Variants in AVP observed in about 807,000 individuals in gnomAD.
AVP encodes vasopressin-neurophysin 2-copeptin.
AVP carries 9 observed loss-of-function variants against 11.1 expected under a neutral mutation model. That is an observed-to-expected ratio of 0.81 (90% CI 0.49 to 1.42). The LOEUF (loss-of-function observed/expected upper bound fraction) is 1.42, where lower values mean the gene tolerates loss of function less well. Ranked by LOEUF, AVP falls within the 40% of genes most tolerant of loss-of-function variation. The pLI is 0.00. For missense variants in AVP, 206 were observed against 238.5 expected (o/e 0.86, Z 0.90); for synonymous variants, 106 against 111.3 (o/e 0.95, Z 0.30).
chr20:3,084,645 G>A lies in AVP; in HGVS notation c.30C>T (p.Phe10=). The stretch of plus-strand genomic sequence containing the variant: ...CGGAGGAGAAGGCCAGTAGGCCGAG[G>A]AAGCAGGCGGGCAGCATGGTGTCAG... MPDTMLPAC[F]LGLLAFSSAC... is the part of the protein sequence containing the mutation. The change falls in exon 1 of 3, where the codon TTC becomes TTT. Residue 10 remains phenylalanine, a synonymous_variant. Transcript: ENST00000380293. The A allele has an allele frequency of 6.2e-7, 1 of 1,613,664 alleles. No homozygotes were observed. The highest frequency in any genetic ancestry group is 8.5e-7 in the Non-Finnish European group (1 of 1,180,024).
Position 3,083,292 on chromosome 20 carries a change from C to T in AVP, c.121-114G>A. The T allele has an allele frequency of 1.7e-6, 2 of 1,174,438 alleles. No homozygotes were observed. The highest frequency in any genetic ancestry group is 2.1e-5 in the South Asian group (1 of 48,772). 72.8% of individuals were successfully genotyped at this position (1,174,438 alleles called of 1,614,324 possible). A position where few individuals can be genotyped will look rare whatever the true frequency, so the allele number is the denominator to read the frequency against. ...CAGGGCTCGGAGTGCGGGCGGGACA[C>T]CGGGGCTGCGGCTGCAGGCACGCTC... On this transcript the variant is annotated intron_variant, in intron 1 of 2. Transcript: ENST00000380293. This position sits in a 1 kb window ranked among gnomAD's most constrained non-coding sequence, Gnocchi z 5.4.
In AVP at chr20:3,083,824, A is replaced by G. The variant is rs141641302; in HGVS notation, c.121-646T>C. Among the ~76,000 whole-genome samples, 1 of 152,334 alleles carries G rather than the reference A, an allele frequency of 6.6e-6. No individual in the cohort carries two copies. The highest frequency in any genetic ancestry group is 2.4e-5 in the African/African-American group (1 of 41,578). ...ACCCTAAAGGAGCCTAGCAGGAGGA[A>G]GAGAGGCTGCGGGGGTTGCCGAGCG... On this transcript the variant is annotated intron_variant, in intron 1 of 2. Transcript: ENST00000380293. The surrounding 1 kb of genome is among the most constrained non-coding windows in gnomAD (Gnocchi z 5.4).
Position 3,082,820 on chromosome 20 carries a change from G to A in AVP, c.323-18C>T. On this transcript the variant is annotated intron_variant, in intron 2 of 2. Transcript: ENST00000380293. The surrounding 1 kb of genome is among the most constrained non-coding windows in gnomAD (Gnocchi z 4.7). Reference sequence around the variant, plus strand: ...GCAGCTCTCTGCCGGGAGGACGTGTGAGCACGGGCGCCCTGGGGCGGGCGC... The same window carrying A: ...GCAGCTCTCTGCCGGGAGGACGTGTAAGCACGGGCGCCCTGGGGCGGGCGC... 1 of 1,228,776 alleles carries A rather than the reference G, an allele frequency of 8.1e-7. No homozygotes were observed. Among genetic ancestry groups the A allele is most frequent in the African/African-American group, 1.6e-5 (1 of 63,386 alleles). The allele number at this position is 1,228,776 out of a possible 1,614,324, so 76.1% of individuals were successfully genotyped here. A position where few individuals can be genotyped will look rare whatever the true frequency, so the allele number is the denominator to read the frequency against.
In AVP at chr20:3,083,483, G is replaced by C. The variant is rs1260975658; in HGVS notation, c.121-305C>G. Among the ~76,000 whole-genome samples the C allele has an allele frequency of 6.6e-6, 1 of 152,104 alleles. No homozygotes were observed. Among genetic ancestry groups the C allele is most frequent in the Non-Finnish European group, 1.5e-5 (1 of 68,006 alleles). On this transcript the variant is annotated intron_variant, in intron 1 of 2. Coordinates refer to ENST00000380293, the MANE Select transcript of AVP (RefSeq NM_000490.5). The surrounding 1 kb of genome is among the most constrained non-coding windows in gnomAD (Gnocchi z 5.4). ...TGGGGAACCCTTCCTCGAGCCTCGG[G>C]GTCATCGCTGGTGGGCGCCACTGTT...
chr20:3,082,904 G>GC lies in AVP; in HGVS notation c.322+72dup. The GC allele has an allele frequency of 9.2e-6, 4 of 435,824 alleles. No individual in the cohort carries two copies. Among genetic ancestry groups the GC allele is most frequent in the Non-Finnish European group, 1.2e-5 (4 of 331,576 alleles). 27.0% of individuals were successfully genotyped at this position (435,824 alleles called of 1,614,324 possible). A position where few individuals can be genotyped will look rare whatever the true frequency, so the allele number is the denominator to read the frequency against. On this transcript the variant is annotated intron_variant, in intron 2 of 2. Transcript: ENST00000380293. This position sits in a 1 kb window ranked among gnomAD's most constrained non-coding sequence, Gnocchi z 4.7. ...CCGGGCCCGACGCAGCCCCCACCCC[G>GC]CCGCAGGCCCGCGTCCCCCCCACCC...
At chr20:3,084,390 A>G (rs996722422) in intron 1 of AVP, among the ~76,000 whole-genome samples, 165 bp downstream of exon 1, 4 of 151,780 alleles carry the variant, frequency 2.6e-5, no homozygotes, top group Non-Finnish European at 5.9e-5. Context: ...CCTCTGGCCC[A>G]CCCCATTGGC....
rs1363312021 is a variant in AVP, at chr20:3,082,755, C to A, written c.370G>T (p.Ala124Ser). 5.5e-6 allele frequency: 7 copies of A among 1,273,008 alleles called. No homozygotes were observed. The highest frequency in any genetic ancestry group is 6.9e-6 in the Non-Finnish European group (7 of 1,011,814). 78.9% of individuals were successfully genotyped at this position (1,273,008 alleles called of 1,614,324 possible). The change falls in exon 3 of 3, where the codon GCC (alanine) becomes TCC (serine). Residue 124 changes from alanine to serine, a missense_variant. By Grantham distance (99) the Ala-to-Ser change is moderately conservative (BLOSUM62 1). Around this residue, in one of 2 missense-constraint regions of AVP, gnomAD observed 106 missense variants for 89.2 expected, o/e 1.19. Coordinates refer to ENST00000380293, the MANE Select transcript of AVP (RefSeq NM_000490.5). This position sits in a 1 kb window ranked among gnomAD's most constrained non-coding sequence, Gnocchi z 4.7. ...GCGTTGCTCCGGTCGCTGGCGCGGG[C>A]GCGGCGGTGAAAGCCCTCGCGGCAC... ...PECREGFHRRARASDRSNATQ... is the reference protein window; with the variant it reads ...PECREGFHRRSRASDRSNATQ...
chr20:3,082,925 C>G lies in AVP; in HGVS notation c.322+52G>C, dbSNP rs769735284. ...CCCCGCCGCAGGCCCGCGTCCCCCC[C>G]ACCCAAGCGGTCTGCGCCCCCCCCA... On this transcript the variant is annotated intron_variant, in intron 2 of 2. Coordinates refer to ENST00000380293, the MANE Select transcript of AVP (RefSeq NM_000490.5). This position sits in a 1 kb window ranked among gnomAD's most constrained non-coding sequence, Gnocchi z 4.7. 2.0e-5 allele frequency: 22 copies of G among 1,093,752 alleles called. No homozygotes were observed. The highest frequency in any genetic ancestry group is 3.4e-4 in the Middle Eastern group (1 of 2,954). The allele number at this position is 1,093,752 out of a possible 1,614,324, so 67.8% of individuals were successfully genotyped here. A position where few individuals can be genotyped will look rare whatever the true frequency, so the allele number is the denominator to read the frequency against.
At position 3,082,926 on chromosome 20, in the gene AVP, A is replaced by T; in HGVS notation, c.322+51T>A. 1.5e-6 allele frequency: 1 copy of T among 683,106 alleles called. No homozygotes were observed. The highest frequency in any genetic ancestry group is 1.8e-6 in the Non-Finnish European group (1 of 558,292). The allele number at this position is 683,106 out of a possible 1,614,324, so 42.3% of individuals were successfully genotyped here. ...CCCGCCGCAGGCCCGCGTCCCCCCC[A>T]CCCAAGCGGTCTGCGCCCCCCCCAG... On this transcript the variant is annotated intron_variant, in intron 2 of 2. Transcript: ENST00000380293. The surrounding 1 kb of genome is among the most constrained non-coding windows in gnomAD (Gnocchi z 4.7).
At chr20:3,084,428 C>T (rs2066127162) in intron 1 of AVP, 127 bp downstream of exon 1, 3 of 1,532,636 alleles carry the variant, frequency 2.0e-6, no homozygotes, top group African/African-American at 1.4e-5. Flanking sequence ...CCATGCCTCC[C>T]TCTTCCTCCC....
At position 3,082,924 on chromosome 20, in the gene AVP, C is replaced by A; in HGVS notation, c.322+53G>T. 1.8e-6 allele frequency: 2 copies of A among 1,083,888 alleles called. No homozygotes were observed. Among genetic ancestry groups the A allele is most frequent in the Non-Finnish European group, 2.3e-6 (2 of 863,328 alleles). The allele number at this position is 1,083,888 out of a possible 1,614,324, so 67.1% of individuals were successfully genotyped here. On this transcript the variant is annotated intron_variant, in intron 2 of 2. Transcript: ENST00000380293. The surrounding 1 kb of genome is among the most constrained non-coding windows in gnomAD (Gnocchi z 4.7). ...ACCCCGCCGCAGGCCCGCGTCCCCC[C>A]CACCCAAGCGGTCTGCGCCCCCCCC...
chr20:3,083,196 G>A lies in AVP; in HGVS notation c.121-18C>T. On this transcript the variant is annotated intron_variant, in intron 1 of 2. Transcript: ENST00000380293. The surrounding 1 kb of genome is among the most constrained non-coding windows in gnomAD (Gnocchi z 5.4). ...GGGAGGCACTGCGGGGACGGGCGGGGTGAGCGGGAGGAGGGGAGCCGGGAG... is the reference window on the plus strand; with the variant it reads ...GGGAGGCACTGCGGGGACGGGCGGGATGAGCGGGAGGAGGGGAGCCGGGAG... 6.8e-7 allele frequency: 1 copy of A among 1,460,672 alleles called. No homozygotes were observed. Among genetic ancestry groups the A allele is most frequent in the Non-Finnish European group, 9.0e-7 (1 of 1,108,086 alleles). 90.5% of individuals were successfully genotyped at this position (1,460,672 alleles called of 1,614,324 possible). A position where few individuals can be genotyped will look rare whatever the true frequency, so the allele number is the denominator to read the frequency against.
Position 3,083,304 on chromosome 20 carries a change from C to G in AVP, c.121-126G>C, listed in dbSNP as rs1600332489. 9.3e-7 allele frequency: 1 copy of G among 1,073,458 alleles called. No individual in the cohort carries two copies. The highest frequency in any genetic ancestry group is 1.2e-6 in the Non-Finnish European group (1 of 809,030). 66.5% of individuals were successfully genotyped at this position (1,073,458 alleles called of 1,614,324 possible). On this transcript the variant is annotated intron_variant, in intron 1 of 2. Coordinates refer to ENST00000380293, the MANE Select transcript of AVP (RefSeq NM_000490.5). The surrounding 1 kb of genome is among the most constrained non-coding windows in gnomAD (Gnocchi z 5.4). The stretch of plus-strand genomic sequence containing the variant: ...TGCGGGCGGGACACCGGGGCTGCGG[C>G]TGCAGGCACGCTCGGGCGCCACTGG...
In AVP at chr20:3,082,893, G is replaced by T. The variant is rs1406177956; in HGVS notation, c.322+84C>A. ...CACCCTCCCTGCCGGGCCCGACGCA[G>T]CCCCCACCCCGCCGCAGGCCCGCGT... On this transcript the variant is annotated intron_variant, in intron 2 of 2. Coordinates refer to ENST00000380293, the MANE Select transcript of AVP (RefSeq NM_000490.5). The surrounding 1 kb of genome is among the most constrained non-coding windows in gnomAD (Gnocchi z 4.7). 2.2e-5 allele frequency: 26 copies of T among 1,191,552 alleles called. No individual in the cohort carries two copies. The East Asian group carries it at 7.8e-4, about 36-fold the overall frequency. The allele number at this position is 1,191,552 out of a possible 1,614,324, so 73.8% of individuals were successfully genotyped here. A position where few individuals can be genotyped will look rare whatever the true frequency, so the allele number is the denominator to read the frequency against.
rs1377137463 is a variant in AVP at position 3,083,378 on chromosome 20, G to A, written c.121-200C>T. The stretch of plus-strand genomic sequence containing the variant: ...GGCGTCCAGATCTGCTCGGCACCTT[G>A]GTTTCTTGGATGACCTCTCGGTGAC... On this transcript the variant is annotated intron_variant, in intron 1 of 2. Transcript: ENST00000380293. The surrounding 1 kb of genome is among the most constrained non-coding windows in gnomAD (Gnocchi z 5.4). 3.3e-5 allele frequency among the ~76,000 whole-genome samples: 5 copies of A among 152,162 alleles called. No individual in the cohort carries two copies. The highest frequency in any genetic ancestry group is 1.2e-4 in the African/African-American group (5 of 41,458).
In AVP at chr20:3,083,927, T is replaced by A. The variant is rs2066124787; in HGVS notation, c.120+628A>T. On this transcript the variant is annotated intron_variant, in intron 1 of 2. Transcript: ENST00000380293. This position sits in a 1 kb window ranked among gnomAD's most constrained non-coding sequence, Gnocchi z 5.4. ...AGACTTTTAGCTGAGCCTGGTGTGG[T>A]CTAATTTGCTCAAGGGCTCATCATT... 6.6e-6 allele frequency among the ~76,000 whole-genome samples: 1 copy of A among 152,194 alleles called. No homozygotes were observed. The highest frequency in any genetic ancestry group is 2.4e-5 in the African/African-American group (1 of 41,444).
Position 3,084,668 on chromosome 20 carries a change from C to T in AVP, c.7G>A (p.Asp3Asn). ...AGGAAGCAGGCGGGCAGCATGGTGT[C>T]AGGCATCCTGGTGCACACAGGTGGA... is the stretch of plus-strand genomic sequence containing the variant. MP[D>N]TMLPACFLGL... The change falls in exon 1 of 3, where the codon GAC becomes AAC. Residue 3 changes from aspartate (D) to asparagine (N), a missense_variant. This residue lies in a region of AVP where 100 missense variants were observed against 149.3 expected (regional missense o/e 0.67). Coordinates refer to ENST00000380293, the MANE Select transcript of AVP (RefSeq NM_000490.5). 6 of 1,613,314 alleles carry T rather than the reference C, an allele frequency of 3.7e-6. No homozygotes were observed. The highest frequency in any genetic ancestry group is 5.1e-6 in the Non-Finnish European group (6 of 1,180,032).
Position 3,083,011 on chromosome 20 carries a change from GC to G in AVP, c.287del (p.Gly96AlafsTer16). ...AGCAAACGCCGAAGGCGGCGCAGCG[GC>G]CCCCGCTCCCGCACGCCTTCTGGCC... ...QSGQKACGSG[G>X]RCAAFGVCCN... On this transcript the variant is annotated frameshift_variant, in exon 2 of 3. Coordinates refer to ENST00000380293, the MANE Select transcript of AVP (RefSeq NM_000490.5). LOFTEE classifies it low-confidence loss of function (END_TRUNC). This position sits in a 1 kb window ranked among gnomAD's most constrained non-coding sequence, Gnocchi z 5.4. The G allele has an allele frequency of 2.6e-6, 4 of 1,538,450 alleles. No individual in the cohort carries two copies. The highest frequency in any genetic ancestry group is 1.9e-5 in the Admixed American group (1 of 52,878).
At position 3,082,601 on chromosome 20, in the gene AVP, AGAGCGCGCCGGTGGGGC is replaced by A. The variant is rs917410096; in HGVS notation, c.*12_*28del. The stretch of plus-strand genomic sequence containing the variant: ...GTCCGTGCTGCAGGGGCGGGCGCGA[AGAGCGCGCCGGTGGGGC>A]GAGCGCGGGGCTCAGTAGGCGTCGG... On this transcript the variant is annotated 3_prime_UTR_variant, in exon 3 of 3. Coordinates refer to ENST00000380293, the MANE Select transcript of AVP (RefSeq NM_000490.5). The surrounding 1 kb of genome is among the most constrained non-coding windows in gnomAD (Gnocchi z 4.7). 21 of 1,243,912 alleles carry A rather than the reference AGAGCGCGCCGGTGGGGC, an allele frequency of 1.7e-5. No homozygotes were observed. Among genetic ancestry groups the A allele is most frequent in the Non-Finnish European group, 2.0e-5 (20 of 994,932 alleles). 77.1% of individuals were successfully genotyped at this position (1,243,912 alleles called of 1,614,324 possible).
Sources: allele counts gnomAD v4.1 joint callset (sites outside exome capture counted in the v4.1 genomes callset), GRCh38; gene constraint gnomAD v4.1.1; regional missense constraint gnomAD v4.1.1; non-coding constraint Gnocchi (gnomAD v3.1); transcripts MANE v1.5; gene names NCBI Gene and HGNC (gene_info 2026-07-23, HGNC 2026-07-21).